CDC42SE2: variants seen among roughly 807,000 people sequenced by gnomAD.
The protein encoded by CDC42SE2 is CDC42 small effector 2.
In CDC42SE2, 3 loss-of-function variants were observed where a neutral mutation model predicts 11.5. That is an observed-to-expected ratio of 0.26 (90% CI 0.12 to 0.67). The LOEUF is 0.67. Ranked by LOEUF, CDC42SE2 falls within the 30% of genes least tolerant of loss-of-function variation. The pLI, the probability that CDC42SE2 is intolerant of heterozygous loss-of-function variation, is 0.80. For synonymous variants in CDC42SE2, 33 were observed against 34.8 expected (o/e 0.95, Z 0.18); for missense variants, 82 against 106.8 (o/e 0.77, Z 1.02).
At chr5:131,274,421 T>G (rs928073825) in intron 1 of CDC42SE2, among the ~76,000 whole-genome samples, 2 of 152,180 alleles carry the variant, frequency 1.3e-5, no homozygotes. Flanking sequence ...AAAACTGCCA[T>G]AAGAATAAAT....
At chr5:131,357,309 G>A (rs1257689489) in intron 2 of CDC42SE2, among the ~76,000 whole-genome samples, 1 of 152,158 alleles carries the variant, frequency 6.6e-6, no homozygotes, top group Non-Finnish European at 1.5e-5. Flanking sequence ...GTATGTTAGA[G>A]GACTTGTCCT....
At chr5:131,310,457 T>C (rs1757879709) in intron 1 of CDC42SE2, among the ~76,000 whole-genome samples, 1 of 152,124 alleles carries the variant, frequency 6.6e-6, no homozygotes, top group South Asian at 2.1e-4. Context: ...TAGATGTCTA[T>C]TAGGTCTGCT....
chr5:131,298,383 A>G (rs761314394), intron 1 of CDC42SE2, among the ~76,000 whole-genome samples: 6 of 151,864 alleles, frequency 4.0e-5, no homozygotes, highest in Non-Finnish European at 5.9e-5. Flanking sequence ...TGGCCTCCCA[A>G]TGTGCTCGGA....
chr5:131,282,147 T>G (rs1757248747), intron 1 of CDC42SE2, among the ~76,000 whole-genome samples: 1 of 152,160 alleles, frequency 6.6e-6, no homozygotes, highest in African/African-American at 2.4e-5. Flanking sequence ...AAGGAAAGTT[T>G]TAAGGTTAAA....
intron 1 of CDC42SE2, among the ~76,000 whole-genome samples, chr5:131,273,203 T>G (rs1180157266): frequency 4.0e-5 from 6 of 148,844 alleles, no homozygotes; most frequent in South Asian, 2.1e-4. Context: ...TTGCCCAGGC[T>G]GGAGTGCAGT....
intron 1 of CDC42SE2, among the ~76,000 whole-genome samples, chr5:131,250,720 G>A (rs561343091): frequency 6.6e-6 from 1 of 152,194 alleles, no homozygotes; most frequent in African/African-American, 2.4e-5. Flanking sequence ...GAACCCTCAT[G>A]TAAAAACTAT....
the CDC42SE2 span, among the ~76,000 whole-genome samples, chr5:131,228,435 G>A: frequency 6.6e-6 from 1 of 152,130 alleles, no homozygotes; most frequent in Non-Finnish European, 1.5e-5. Flanking sequence ...GGTCCTGATG[G>A]CTTTCAATTT....
intron 1 of CDC42SE2, among the ~76,000 whole-genome samples, chr5:131,276,812 C>T (rs897455133): frequency 6.6e-6 from 1 of 150,916 alleles, no homozygotes; most frequent in Non-Finnish European, 1.5e-5. Context: ...ACTGCAATCT[C>T]TGCCTCCTGG....
intron 2 of CDC42SE2, among the ~76,000 whole-genome samples, chr5:131,357,353 C>G (rs377155419): frequency 6.6e-6 from 1 of 152,174 alleles, no homozygotes; most frequent in Non-Finnish European, 1.5e-5. Flanking sequence ...GAATTCATGC[C>G]TTGTTATACT....
intron 2 of CDC42SE2, among the ~76,000 whole-genome samples, chr5:131,338,246 C>T (rs1484499532): frequency 1.3e-5 from 2 of 152,210 alleles, no homozygotes; most frequent in African/African-American, 4.8e-5. Context: ...ACATGGCAGT[C>T]CTGTGGTCTG....
chr5:131,322,060 C>T (rs1230942972), intron 2 of CDC42SE2, among the ~76,000 whole-genome samples: 1 of 152,050 alleles, frequency 6.6e-6, no homozygotes, highest in African/African-American at 2.4e-5. Context: ...CCGTGTTAGC[C>T]AGGATGGTCT....
At chr5:131,285,359 G>A (rs1194969026) in intron 1 of CDC42SE2, among the ~76,000 whole-genome samples, 13 of 152,042 alleles carry the variant, frequency 8.6e-5, no homozygotes, top group Admixed American at 8.5e-4. Flanking sequence ...AATTTATTCA[G>A]CCAAGAAAAG....
chr5:131,247,901 A>G (rs546762528), intron 1 of CDC42SE2, among the ~76,000 whole-genome samples: 1 of 152,262 alleles, frequency 6.6e-6, no homozygotes, highest in East Asian at 1.9e-4. Context: ...TTGGCCTCCC[A>G]AAGTCTGGGG....
At chr5:131,279,053 G>A (rs1217291593) in intron 1 of CDC42SE2, among the ~76,000 whole-genome samples, 1 of 151,766 alleles carries the variant, frequency 6.6e-6, no homozygotes, top group Non-Finnish European at 1.5e-5. Context: ...CCAAAGCTCT[G>A]GGATTACAGG....
intron 1 of CDC42SE2, among the ~76,000 whole-genome samples, chr5:131,271,243 G>A (rs2149693783): frequency 6.6e-6 from 1 of 152,206 alleles, no homozygotes; most frequent in African/African-American, 2.4e-5. Flanking sequence ...ATGCTTTATT[G>A]AGGATATTTC....
intron 2 of CDC42SE2, among the ~76,000 whole-genome samples, chr5:131,356,230 CCTT>C (rs1244824496): frequency 2.0e-5 from 3 of 152,100 alleles, no homozygotes; most frequent in South Asian, 4.2e-4. Flanking sequence ...AAATGACTCT[CCTT>C]CTGTTATCTA....
chr5:131,383,458 A>G (rs1366163908), intron 3 of CDC42SE2, among the ~76,000 whole-genome samples: 1 of 152,218 alleles, frequency 6.6e-6, no homozygotes, highest in African/African-American at 2.4e-5. Context: ...TAAAGAAATG[A>G]GAGTTCTTTG....
chr5:131,384,339 CATATGG>C (rs1415758091), intron 3 of CDC42SE2, among the ~76,000 whole-genome samples: 5 of 152,154 alleles, frequency 3.3e-5, no homozygotes, highest in Non-Finnish European at 7.4e-5. Flanking sequence ...GAGGAGCTGT[CATATGG>C]GACTCTCGTG....
intron 4 of CDC42SE2, among the ~76,000 whole-genome samples, chr5:131,390,332 T>C (rs1750612190): frequency 6.6e-6 from 1 of 152,188 alleles, no homozygotes; most frequent in African/African-American, 2.4e-5. Flanking sequence ...ACTAAGTAAT[T>C]GAGGTGATTA....
Sources: allele counts gnomAD v4.1 joint callset (sites outside exome capture counted in the v4.1 genomes callset), GRCh38; gene constraint gnomAD v4.1.1; transcripts MANE v1.5; gene names NCBI Gene and HGNC (gene_info 2026-07-23, HGNC 2026-07-21).